MIA2: variants seen among roughly 807,000 people sequenced by gnomAD.
MIA2 encodes MIA SH3 domain ER export factor 2.
Under a neutral mutation model 167.8 loss-of-function variants are expected in MIA2, and 127 were observed. That is an observed-to-expected ratio of 0.76 (90% CI 0.66 to 0.88). MIA2 has a LOEUF of 0.88. Ranked by LOEUF, MIA2 falls within the 40% of genes least tolerant of loss-of-function variation. MIA2 has a pLI of 0.00. For missense variants in MIA2, 1,690 were observed against 1,624.7 expected, an observed-to-expected ratio of 1.04 and a Z score of -0.69; for synonymous variants, 552 against 541.9, an observed-to-expected ratio of 1.02 and a Z score of -0.26.
intron 23 of MIA2, chr14:39,386,020 C>T (rs1260516551): frequency 2.1e-5 from 21 of 994,638 alleles, no homozygotes; most frequent in Non-Finnish European, 3.3e-5. Context: ...TACAGTCTGT[C>T]ATGACAACTC....
rs1320771617 is a variant in MIA2 at position 39,253,117 on chromosome 14, T to C, written c.1833T>C (p.Asp611=). ...FQILKYLFQI[D]VYDFMNSAFS... is the part of the protein sequence containing the mutation. The stretch of plus-strand genomic sequence containing the variant: ...TTCTGAAATACTTATTCCAAATTGA[T>C]GTTTATGATTTCATGAATTCTGCAT... The change falls in exon 6 of 29, where the codon GAT becomes GAC. Residue 611 remains aspartate (D), a synonymous_variant. Coordinates refer to ENST00000640607, the MANE Select transcript of MIA2 (RefSeq NM_001329214.4). 1.9e-6 allele frequency: 3 copies of C among 1,606,122 alleles called. No homozygotes were observed. Among genetic ancestry groups the C allele is most frequent in the South Asian group, 1.1e-5 (1 of 89,420 alleles).
chr14:39,360,318 G>C (rs566885348), intron 23 of MIA2, among the ~76,000 whole-genome samples: 1 of 152,036 alleles, frequency 6.6e-6, no homozygotes, highest in African/African-American at 2.4e-5. Context: ...TTCTAACTGT[G>C]GTAAGATGAT....
At chr14:39,386,788 G>A (rs1344334723) in intron 23 of MIA2, 8 of 1,170,476 alleles carry the variant, frequency 6.8e-6, no homozygotes, top group Admixed American at 5.1e-5. Flanking sequence ...GCTTTTCTAA[G>A]TGATAGATTA....
At chr14:39,378,372 C>T (rs1410019566) in intron 23 of MIA2, among the ~76,000 whole-genome samples, 1 of 152,202 alleles carries the variant, frequency 6.6e-6, no homozygotes, top group Non-Finnish European at 1.5e-5. Context: ...ATGAATACAT[C>T]AGCTCTTCAT....
intron 15 of MIA2, among the ~76,000 whole-genome samples, chr14:39,302,925 C>T (rs2062767583): frequency 6.6e-6 from 1 of 152,108 alleles, no homozygotes; most frequent in Non-Finnish European, 1.5e-5. Context: ...TTTCTGTTCT[C>T]TTCCCCAGCC....
At chr14:39,284,226 C>G (rs2059322696) in intron 9 of MIA2, among the ~76,000 whole-genome samples, 2 of 152,038 alleles carry the variant, frequency 1.3e-5, no homozygotes, top group Non-Finnish European at 2.9e-5. Flanking sequence ...GAGTTGATTT[C>G]TATGTGTTGT....
rs28533651 is a variant in MIA2, at chr14:39,298,431, A to G, written c.2497-1433A>G. Among the ~76,000 whole-genome samples the G allele has an allele frequency of 1.0e-3, 21 of 20,528 alleles. 3 individuals carry two copies. The East Asian group carries it at 0.029, about 29-fold the overall frequency. 13.5% of individuals were successfully genotyped at this position (20,528 alleles called of 152,430 possible). A position where few individuals can be genotyped will look rare whatever the true frequency, so the allele number is the denominator to read the frequency against. ...TTCTGTTTTATATATATATATATAT[A>G]TATATATATATAAAGATTAGTTTTT... On this transcript the variant is annotated intron_variant, in intron 13 of 28. Transcript: ENST00000640607.
chr14:39,309,631 T>G (rs2152922120), intron 18 of MIA2, among the ~76,000 whole-genome samples: 1 of 152,324 alleles, frequency 6.6e-6, no homozygotes, highest in East Asian at 1.9e-4. Context: ...CTTTATTCCC[T>G]TATTTTGCCT....
intron 13 of MIA2, among the ~76,000 whole-genome samples, chr14:39,295,620 C>G (rs796904720): frequency 2.0e-5 from 3 of 151,988 alleles, no homozygotes; most frequent in Non-Finnish European, 2.9e-5. Context: ...AGTGCAGTGG[C>G]GTGATCTCGG....
In MIA2 at chr14:39,327,152, A is replaced by G. The variant is rs552846301; in HGVS notation, c.3655+130A>G. ...AAATCATCGTACATTTTTGAAAACA[A>G]CAATGATAAATAATCTAAACAGAAT... is the stretch of plus-strand genomic sequence containing the variant. On this transcript the variant is annotated intron_variant, in intron 25 of 28. Coordinates refer to ENST00000640607, the MANE Select transcript of MIA2 (RefSeq NM_001329214.4). The G allele has an allele frequency of 5.3e-5, 32 of 605,914 alleles. No individual in the cohort carries two copies. The Admixed American group carries it at 1.2e-3, about 22-fold the overall frequency. The allele number at this position is 605,914 out of a possible 1,614,324, so 37.5% of individuals were successfully genotyped here.
chr14:39,299,896 A>C lies in MIA2; in HGVS notation c.2529A>C (p.Gln843His). Residue 843 changes from glutamine (Q) to histidine (H), a missense_variant, in exon 14 of 29, where the codon CAA becomes CAC. Coordinates refer to ENST00000640607, the MANE Select transcript of MIA2 (RefSeq NM_001329214.4). ...LLQEAEVWKE[Q>H]VSELNKQKVT... ...AAGAAGCTGAAGTATGGAAAGAACA[A>C]GTGAGTGAACTTAATAAACAGAAAG... 6.2e-7 allele frequency: 1 copy of C among 1,608,840 alleles called. No individual in the cohort carries two copies. Among genetic ancestry groups the C allele is most frequent in the Non-Finnish European group, 8.5e-7 (1 of 1,178,704 alleles).
chr14:39,352,108 T>G (rs1319160720), downstream of MIA2, among the ~76,000 whole-genome samples: 3 of 152,100 alleles, frequency 2.0e-5, 1 homozygote, highest in Non-Finnish European at 4.4e-5. Flanking sequence ...TTCTTACTGT[T>G]CCGATGAATT....
In MIA2 at chr14:39,376,413, ATATTT is replaced by A. The variant is rs201000037; in HGVS notation, c.2249-10469_2249-10465del. Among the ~76,000 whole-genome samples, 1,401 of 152,322 alleles carry A rather than the reference ATATTT, an allele frequency of 9.2e-3. 24 individuals are homozygous for A. The highest frequency in any genetic ancestry group is 0.032 in the African/African-American group (1,329 of 41,574). On this transcript the variant is annotated intron_variant, in intron 23 of 23. Coordinates refer to the MIA2 transcript ENST00000341502. ...TTTAAAAGTTAAATGTTTGAAACTA[ATATTT>A]TAATATATAAATGTTTTTAAAGATA...
rs1566748459 is a variant in MIA2 at position 39,288,468 on chromosome 14, T to TG, written c.2131-2551_2131-2550insG. ...ATATATATATATATATATATATATA[T>TG]ATATATATTTTTTTTTTTTTTTTTG... On this transcript the variant is annotated intron_variant, in intron 9 of 28. Transcript: ENST00000640607. Among the ~76,000 whole-genome samples the TG allele has an allele frequency of 7.0e-4, 31 of 44,170 alleles. 3 individuals are homozygous for TG. The highest frequency in any genetic ancestry group is 7.6e-4 in the South Asian group (1 of 1,324). 29.0% of individuals were successfully genotyped at this position (44,170 alleles called of 152,430 possible).
In MIA2 at chr14:39,299,295, A is replaced by G. The variant is rs894274874; in HGVS notation, c.2497-569A>G. On this transcript the variant is annotated intron_variant, in intron 13 of 28. Transcript: ENST00000640607. Reference sequence around the variant, plus strand: ...TGGAGAATCTGATCTGTTCTAGATTAATGGTATTTCTTTTTTTTTTTTTTT... The same window carrying G: ...TGGAGAATCTGATCTGTTCTAGATTGATGGTATTTCTTTTTTTTTTTTTTT... Among the ~76,000 whole-genome samples, 6 of 129,408 alleles carry G rather than the reference A, an allele frequency of 4.6e-5. No homozygotes were observed. In the Admixed American group the frequency reaches 5.2e-4, roughly 11 times the overall value. The allele number at this position is 129,408 out of a possible 152,430, so 84.9% of individuals were successfully genotyped here.
chr14:39,320,593 C>CA lies in MIA2; in HGVS notation c.3368-326dup, dbSNP rs201202557. ...GTGCATACTGCCAGTAAAAACAAAC[C>CA]AAAAAAAAATCTAACTTTATGCTCC... On this transcript the variant is annotated intron_variant, in intron 23 of 28. Transcript: ENST00000640607. 5.9e-3 allele frequency among the ~76,000 whole-genome samples: 886 copies of CA among 150,498 alleles called. 5 individuals are homozygous for CA. Among genetic ancestry groups the CA allele is most frequent in the African/African-American group, 0.016 (639 of 41,086 alleles).
At position 39,308,319 on chromosome 14, in the gene MIA2, G is replaced by T. The variant is rs1180161774; in HGVS notation, c.2879-130G>T. The stretch of plus-strand genomic sequence containing the variant: ...ATTTAGGTAAACAGAATCCCTTATA[G>T]ATTTTCTGTTATTGGAAAGAGTTTA... On this transcript the variant is annotated intron_variant, in intron 17 of 28. Transcript: ENST00000640607. 4 of 585,980 alleles carry T rather than the reference G, an allele frequency of 6.8e-6. No homozygotes were observed. In the African/African-American group the frequency reaches 7.9e-5, roughly 12 times the overall value. The allele number at this position is 585,980 out of a possible 1,614,324, so 36.3% of individuals were successfully genotyped here. A position where few individuals can be genotyped will look rare whatever the true frequency, so the allele number is the denominator to read the frequency against.
intron 23 of MIA2, among the ~76,000 whole-genome samples, chr14:39,363,451 C>T (rs1451064404): frequency 6.6e-6 from 1 of 152,148 alleles, no homozygotes; most frequent in Non-Finnish European, 1.5e-5. Flanking sequence ...ATCACTTGAG[C>T]CTGGGAGGTG....
downstream of MIA2, among the ~76,000 whole-genome samples, chr14:39,355,140 C>G (rs1265880278): frequency 1.3e-4 from 19 of 150,668 alleles, no homozygotes; most frequent in African/African-American, 4.6e-4. Flanking sequence ...CTATAAATTA[C>G]CTTGGGCAGT....
Sources: gnomAD v4.1 joint callset for allele counts (sites outside exome capture counted in the v4.1 genomes callset) on GRCh38, gnomAD v4.1.1 for gene constraint, MANE v1.5 for transcripts, NCBI Gene and HGNC (gene_info 2026-07-23, HGNC 2026-07-21) for gene names.